Variants in MORC4 observed in about 807,000 individuals in gnomAD.
MORC4 encodes MORC family CW-type zinc finger 4.
Under a neutral mutation model 65.5 loss-of-function variants are expected in MORC4, and 22 were observed. That is an observed-to-expected ratio of 0.34 (90% confidence interval 0.24 to 0.48). MORC4 has a LOEUF of 0.48. MORC4 is among the 20% of genes least tolerant of loss of function. The probability of loss-of-function intolerance (pLI) is 0.99; values close to 1 mark genes in which losing one functional copy is unlikely to be tolerated. For synonymous variants in MORC4, 267 were observed against 255.8 expected, an observed-to-expected ratio of 1.04 and a Z score of -0.42; for missense variants, 624 against 703.0, an observed-to-expected ratio of 0.89 and a Z score of 1.27.
At chrX:106,994,553 A>C in intron 2 of MORC4, among the ~76,000 whole-genome samples, 1 of 112,317 alleles carries the variant, frequency 8.9e-6, no homozygotes, top group Non-Finnish European at 1.9e-5. Context: ...TATGCAAAAC[A>C]CCCATTTTTT....
chrX:106,955,683 A>T (rs1236814949), intron 13 of MORC4, among the ~76,000 whole-genome samples: 1 of 111,295 alleles, frequency 9.0e-6, no homozygotes, highest in East Asian at 2.8e-4. Context: ...AGACAATTAA[A>T]CCAAGGCATT....
chrX:106,987,875 A>AG (rs1368738876), intron 3 of MORC4, among the ~76,000 whole-genome samples: 1 of 109,817 alleles, frequency 9.1e-6, no homozygotes, highest in East Asian at 2.8e-4. Context: ...GGAAAAAAAA[A>AG]AAGAAAAAGA....
intron 2 of MORC4, among the ~76,000 whole-genome samples, chrX:106,998,240 G>A (rs1935112914): frequency 8.9e-6 from 1 of 112,009 alleles, no homozygotes; most frequent in Admixed American, 9.5e-5. Flanking sequence ...GTTGTTATTT[G>A]GTCTTAAAAT....
At chrX:106,950,023 G>C (rs989728513) in intron 14 of MORC4, among the ~76,000 whole-genome samples, 1 of 111,936 alleles carries the variant, frequency 8.9e-6, no homozygotes, top group Non-Finnish European at 1.9e-5. Flanking sequence ...TAAACCCCTA[G>C]TGCCAGTGAG....
intron 8 of MORC4, among the ~76,000 whole-genome samples, chrX:106,977,874 T>C (rs921446011): frequency 9.0e-6 from 1 of 111,503 alleles, no homozygotes; most frequent in Non-Finnish European, 1.9e-5. Context: ...AGTAAAGTTG[T>C]TGGGTTGATT....
At chrX:106,985,272 T>G in intron 4 of MORC4, 29 bp from the exon 5 acceptor site, 2 of 1,071,999 alleles carry the variant, frequency 1.9e-6, no homozygotes, top group Non-Finnish European at 2.5e-6. Flanking sequence ...AAAGAAAAAA[T>G]AATATCTTAG....
intron 3 of MORC4, among the ~76,000 whole-genome samples, chrX:106,989,914 G>C (rs967429103): frequency 2.1e-5 from 2 of 95,172 alleles, no homozygotes; most frequent in African/African-American, 7.9e-5. Flanking sequence ...CGGGCCAGGC[G>C]TGGTGGCTCA....
chrX:106,971,733 G>T (rs975105678), intron 9 of MORC4, among the ~76,000 whole-genome samples: 12 of 112,153 alleles, frequency 1.1e-4, no homozygotes, highest in African/African-American at 3.2e-4. Context: ...ATCATCACTG[G>T]TCATTAGAGA....
intron 15 of MORC4, 108 bp from the exon 16 acceptor site, chrX:106,942,329 G>T: frequency 1.0e-6 from 1 of 990,123 alleles, no homozygotes; most frequent in Non-Finnish European, 1.4e-6. Flanking sequence ...TCTACTTATG[G>T]GCCTTTTCAA....
intron 2 of MORC4, among the ~76,000 whole-genome samples, chrX:106,995,981 TTA>T (rs1470191639): frequency 2.7e-5 from 3 of 111,860 alleles, no homozygotes; most frequent in Non-Finnish European, 5.6e-5. Context: ...TGGACATCAT[TTA>T]TACACTGAAA....
chrX:106,984,357 T>C (rs1337804214), intron 5 of MORC4, among the ~76,000 whole-genome samples: 5 of 110,272 alleles, frequency 4.5e-5, no homozygotes, highest in Non-Finnish European at 9.5e-5. Flanking sequence ...TGCTAAACTG[T>C]CTTAATTATC....
intron 14 of MORC4, among the ~76,000 whole-genome samples, chrX:106,947,551 A>C (rs1281393649): frequency 1.2e-5 from 1 of 81,956 alleles, no homozygotes; most frequent in Non-Finnish European, 2.2e-5. Flanking sequence ...ATATACCTGT[A>C]GTTAATCTAT....
chrX:106,984,465 CTTTTTTTTTTTT>C (rs762110163), intron 5 of MORC4, among the ~76,000 whole-genome samples: 4 of 71,388 alleles, frequency 5.6e-5, no homozygotes, highest in Non-Finnish European at 7.4e-5. Context: ...TTTCTTTTTT[CTTTTTTTTTTTT>C]TTTTTTTTTT....
At chrX:106,952,030 A>T (rs1010916735) in intron 14 of MORC4, among the ~76,000 whole-genome samples, 7 of 106,801 alleles carry the variant, frequency 6.6e-5, no homozygotes, top group Non-Finnish European at 1.4e-4. Context: ...AAAAAAGGAA[A>T]GAAAACTATA....
intron 14 of MORC4, among the ~76,000 whole-genome samples, chrX:106,952,781 T>G (rs1027422421): frequency 1.8e-5 from 2 of 111,985 alleles, no homozygotes; most frequent in African/African-American, 6.5e-5. Context: ...AGGACCCTTA[T>G]CAGCTTCCTA....
intron 14 of MORC4, among the ~76,000 whole-genome samples, chrX:106,943,630 T>C (rs778881522): frequency 7.1e-5 from 8 of 112,546 alleles, no homozygotes; most frequent in South Asian, 3.7e-4. Context: ...TGCCAACTCA[T>C]TAATTTTACA....
chrX:106,941,266 C>T lies in MORC4; in HGVS notation c.*213G>A, dbSNP rs1933664507. On this transcript the variant is annotated 3_prime_UTR_variant, in exon 17 of 17. Transcript: ENST00000355610. ...TTTCTGACCCTAGACTCTTGAAAGC[C>T]TATTTAAACTGGCCTCTTTCTCCAC... 9.0e-6 allele frequency: 3 copies of T among 331,813 alleles called. No homozygotes were observed. The highest frequency in any genetic ancestry group is 1.6e-5 in the Non-Finnish European group (3 of 191,879). 27.3% of individuals were successfully genotyped at this position (331,813 alleles called of 1,213,427 possible). A position where few individuals can be genotyped will look rare whatever the true frequency, so the allele number is the denominator to read the frequency against.
Position 106,955,446 on chromosome X carries a change from G to T in MORC4, c.1510-358C>A, listed in dbSNP as rs1365942044. 2.7e-5 allele frequency among the ~76,000 whole-genome samples: 3 copies of T among 110,805 alleles called. No homozygotes were observed. The East Asian group carries it at 8.5e-4, about 31-fold the overall frequency. ...ATGTATGATGAGGGTAGGGTGGTGG[G>T]AAAATGCACTGCAGCAAGTGTCTGT... On this transcript the variant is annotated intron_variant, in intron 13 of 16. Transcript: ENST00000355610.
intron 14 of MORC4, among the ~76,000 whole-genome samples, chrX:106,950,202 T>C (rs1569296185): frequency 1.8e-5 from 2 of 112,289 alleles, no homozygotes; most frequent in Non-Finnish European, 1.9e-5. Flanking sequence ...ATTTCCCTGA[T>C]TCTCTCTGTT....
Sources: gnomAD v4.1 joint callset for allele counts (sites outside exome capture counted in the v4.1 genomes callset) on GRCh38, gnomAD v4.1.1 for gene constraint, MANE v1.5 for transcripts, NCBI Gene and HGNC (gene_info 2026-07-23, HGNC 2026-07-21) for gene names.